FAM184B: variants seen among roughly 807,000 people sequenced by gnomAD.
FAM184B encodes the protein family with sequence similarity 184 member B, also known as protein FAM184B.
Under a neutral mutation model 135.9 loss-of-function variants are expected in FAM184B, and 111 were observed. That is an observed-to-expected ratio of 0.82 (90% CI 0.70 to 0.96). The LOEUF is 0.96. Ranked by LOEUF, FAM184B falls within the 40% of genes least tolerant of loss-of-function variation. FAM184B has a pLI of 0.00. For synonymous variants in FAM184B, 552 were observed against 524.8 expected, an observed-to-expected ratio of 1.05 and a Z score of -0.71; for missense variants, 1,375 against 1,323.9, an observed-to-expected ratio of 1.04 and a Z score of -0.60.
chr4:17,659,191 G>A (rs1464220300), intron 9 of FAM184B, among the ~76,000 whole-genome samples: 2 of 144,622 alleles, frequency 1.4e-5, no homozygotes, highest in East Asian at 2.2e-4. Flanking sequence ...CGGCAGCCTC[G>A]AACTCCCAAG....
At chr4:17,680,498 C>T (rs1388265696) in intron 7 of FAM184B, among the ~76,000 whole-genome samples, 1 of 152,098 alleles carries the variant, frequency 6.6e-6, no homozygotes, top group Non-Finnish European at 1.5e-5. Context: ...AAAACAAAAA[C>T]ATTGTCCATG....
At chr4:17,757,456 C>G (rs780799189) in intron 1 of FAM184B, among the ~76,000 whole-genome samples, 1 of 151,654 alleles carries the variant, frequency 6.6e-6, no homozygotes, top group African/African-American at 2.4e-5. Flanking sequence ...GAACACTGAC[C>G]AGATATTTTG....
intron 13 of FAM184B, among the ~76,000 whole-genome samples, chr4:17,640,987 G>A (rs1392245884): frequency 6.6e-6 from 1 of 151,850 alleles, no homozygotes. Context: ...AGGCTGAAGT[G>A]CAGTGGCCCG....
intron 1 of FAM184B, among the ~76,000 whole-genome samples, chr4:17,773,659 C>A (rs1718867094): frequency 6.6e-6 from 1 of 152,020 alleles, no homozygotes; most frequent in Non-Finnish European, 1.5e-5. Context: ...GTCACTGCAA[C>A]CTCCGCCTCC....
chr4:17,729,577 ATTTGCG>A (rs1717726582), intron 1 of FAM184B, among the ~76,000 whole-genome samples: 1 of 152,204 alleles, frequency 6.6e-6, no homozygotes, highest in Non-Finnish European at 1.5e-5. Context: ...AGGCAGCAGC[ATTTGCG>A]GTTCACCAAG....
At chr4:17,704,200 T>C (rs1717055137) in intron 5 of FAM184B, among the ~76,000 whole-genome samples, 1 of 152,216 alleles carries the variant, frequency 6.6e-6, no homozygotes, top group African/African-American at 2.4e-5. Context: ...CTCCTTGTAA[T>C]TAAACAAAGC....
chr4:17,712,985 G>A (rs972294194), intron 1 of FAM184B, among the ~76,000 whole-genome samples: 1 of 152,200 alleles, frequency 6.6e-6, no homozygotes, highest in African/African-American at 2.4e-5. Context: ...GGCTGCAGAT[G>A]TTGAAGAAAG....
At position 17,688,644 on chromosome 4, in the gene FAM184B, C is replaced by T. The variant is rs375737206; in HGVS notation, c.1489-113G>A. The T allele has an allele frequency of 4.2e-4, 255 of 601,318 alleles. 3 individuals carry two copies. The East Asian group carries it at 6.3e-3, about 15-fold the overall frequency. 37.2% of individuals were successfully genotyped at this position (601,318 alleles called of 1,614,324 possible). ...GTCAGTCTGTTCTGGGGAGAGTGCC[C>T]CATTAGACAAATTCTACACACACTT... On this transcript the variant is annotated intron_variant, in intron 6 of 17. Transcript: ENST00000265018.
intron 10 of FAM184B, among the ~76,000 whole-genome samples, chr4:17,654,604 G>A (rs116120570): frequency 0.014 from 2,152 of 152,322 alleles, 21 homozygotes; most frequent in Middle Eastern, 0.024. Context: ...TGGAGTCCAG[G>A]GCCCAAGCCC....
intron 6 of FAM184B, among the ~76,000 whole-genome samples, chr4:17,691,676 A>G (rs1392385033): frequency 3.9e-5 from 5 of 128,134 alleles, no homozygotes; most frequent in African/African-American, 1.5e-4. Context: ...ATAGAGTGAG[A>G]TTCCATCTCA....
intron 12 of FAM184B, among the ~76,000 whole-genome samples, chr4:17,644,828 G>C (rs1375167234): frequency 6.6e-6 from 1 of 152,166 alleles, no homozygotes; most frequent in African/African-American, 2.4e-5. Context: ...TGTATATCTA[G>C]AAAACCCCAT....
chr4:17,699,875 C>T (rs1025019243), intron 5 of FAM184B, among the ~76,000 whole-genome samples: 3 of 151,792 alleles, frequency 2.0e-5, no homozygotes, highest in East Asian at 1.9e-4. Flanking sequence ...GGATTTACAG[C>T]ACGTGTAAAA....
At chr4:17,681,596 G>A (rs1008374) in intron 7 of FAM184B, among the ~76,000 whole-genome samples, 77,991 of 152,058 alleles carry the variant, frequency 0.51, 22,835 homozygotes, top group East Asian at 0.82. Flanking sequence ...GCCTGCCAAC[G>A]GCCAGGACAG....
Position 17,642,126 on chromosome 4 carries a change from C to T in FAM184B, c.2449G>A (p.Ala817Thr), listed in dbSNP as rs910461923. The change falls in exon 13 of 18, where the codon GCG (alanine) becomes ACG (threonine). Residue 817 changes from alanine to threonine, a missense_variant. Coordinates refer to ENST00000265018, the MANE Select transcript of FAM184B (RefSeq NM_015688.2). ...LWEENAQLQDAVRRLRAEVEQ... is the reference protein window; with the variant it reads ...LWEENAQLQDTVRRLRAEVEQ... ...ACCTCCGCGCGCAGCCGCCGCACCG[C>T]GTCCTGGAGCTGCGCGTTCTCCTCC... is the stretch of plus-strand genomic sequence containing the variant. 6.5e-7 allele frequency: 1 copy of T among 1,533,254 alleles called. No homozygotes were observed. The highest frequency in any genetic ancestry group is 8.7e-7 in the Non-Finnish European group (1 of 1,145,408). 95.0% of individuals were successfully genotyped at this position (1,533,254 alleles called of 1,614,324 possible).
Position 17,636,499 on chromosome 4 carries a change from G to A in FAM184B, c.2784+29C>T, listed in dbSNP as rs752349343. ...GAGCCCGCAGTGCCCGGCCAGGTGC[G>A]TGGGTGAGGCGCCCCCTGACAGCCT... On this transcript the variant is annotated intron_variant, in intron 15 of 17. Transcript: ENST00000265018. 1.9e-5 allele frequency: 29 copies of A among 1,527,616 alleles called. No homozygotes were observed. The South Asian group carries it at 2.4e-4, about 13-fold the overall frequency. 94.6% of individuals were successfully genotyped at this position (1,527,616 alleles called of 1,614,324 possible).
chr4:17,754,712 C>G (rs1046300985), intron 1 of FAM184B, among the ~76,000 whole-genome samples: 1 of 151,978 alleles, frequency 6.6e-6, no homozygotes, highest in Non-Finnish European at 1.5e-5. Context: ...CATGTGAAAC[C>G]ATTTTCAATA....
intron 6 of FAM184B, among the ~76,000 whole-genome samples, chr4:17,689,081 A>C (rs1484060083): frequency 6.6e-6 from 1 of 152,126 alleles, no homozygotes; most frequent in East Asian, 1.9e-4. Context: ...ACTTTCCTTA[A>C]ATTATTTACA....
At chr4:17,641,248 T>G (rs1398845642) in intron 13 of FAM184B, among the ~76,000 whole-genome samples, 3 of 151,864 alleles carry the variant, frequency 2.0e-5, no homozygotes, top group Admixed American at 2.0e-4. Context: ...TGGAGTCTTA[T>G]CCCCATTTTA....
intron 2 of FAM184B, among the ~76,000 whole-genome samples, chr4:17,708,183 T>C (rs1264249942): frequency 1.3e-5 from 2 of 152,144 alleles, no homozygotes; most frequent in African/African-American, 4.8e-5. Flanking sequence ...GTTCAAACAC[T>C]TATTAGCCAT....
Sources: gnomAD v4.1 joint callset for allele counts (sites outside exome capture counted in the v4.1 genomes callset) on GRCh38, gnomAD v4.1.1 for gene constraint, MANE v1.5 for transcripts, NCBI Gene and HGNC (gene_info 2026-07-23, HGNC 2026-07-21) for gene names.